NCOA2: variants seen among roughly 807,000 people sequenced by gnomAD.
NCOA2 encodes class E basic helix-loop-helix protein 75.
Under a neutral mutation model 145.1 loss-of-function variants are expected in NCOA2, and 21 were observed. The ratio of observed to expected loss-of-function variants is 0.14; its 90% CI spans 0.10 to 0.21. The LOEUF is 0.21. NCOA2 is among the 10% of genes least tolerant of loss of function. The probability of loss-of-function intolerance (pLI) is 1.00; values close to 1 mark genes in which losing one functional copy is unlikely to be tolerated. For missense variants in NCOA2, 1,472 were observed against 1,837.6 expected (o/e 0.80, Z 3.64); for synonymous variants, 619 against 637.5 (o/e 0.97, Z 0.44).
chr8:70,262,638 A>C (rs1824230354), intron 2 of NCOA2, among the ~76,000 whole-genome samples: 1 of 152,228 alleles, frequency 6.6e-6, no homozygotes, highest in Non-Finnish European at 1.5e-5. Flanking sequence ...CATTTAATAG[A>C]GGAAGGACAA....
chr8:70,295,192 T>C (rs16936890), intron 2 of NCOA2, among the ~76,000 whole-genome samples: 8,351 of 152,264 alleles, frequency 0.055, 303 homozygotes, highest in East Asian at 0.16. Flanking sequence ...TACCGCTACC[T>C]TTGATAATGA....
At chr8:70,329,451 G>C (rs1806885940) in intron 1 of NCOA2, among the ~76,000 whole-genome samples, 1 of 151,856 alleles carries the variant, frequency 6.6e-6, no homozygotes, top group Non-Finnish European at 1.5e-5. Context: ...GAGTCTCCCA[G>C]GCTGGTCTTG....
At chr8:70,135,252 G>A (rs1289093106) in intron 15 of NCOA2, among the ~76,000 whole-genome samples, 1 of 152,114 alleles carries the variant, frequency 6.6e-6, no homozygotes, top group East Asian at 1.9e-4. Flanking sequence ...TCTCCTCATA[G>A]ACTGCCCCGC....
chr8:70,214,546 A>C (rs1279097016), intron 3 of NCOA2, among the ~76,000 whole-genome samples: 1 of 152,254 alleles, frequency 6.6e-6, no homozygotes, highest in African/African-American at 2.4e-5. Context: ...CCAGATATTT[A>C]TAATTTTATA....
intron 1 of NCOA2, among the ~76,000 whole-genome samples, chr8:70,332,267 A>G (rs541742543): frequency 6.6e-6 from 1 of 152,182 alleles, no homozygotes; most frequent in Admixed American, 6.5e-5. Context: ...TTTGTGTTTG[A>G]GCAGAGAATA....
intron 1 of NCOA2, among the ~76,000 whole-genome samples, chr8:70,357,693 ATCG>A (rs1563800921): frequency 6.6e-6 from 1 of 151,426 alleles, no homozygotes; most frequent in Non-Finnish European, 1.5e-5. Context: ...GTGAACCTAG[ATCG>A]TGCGCCACTG....
intron 1 of NCOA2, among the ~76,000 whole-genome samples, chr8:70,378,570 A>T (rs1464665494): frequency 6.6e-6 from 1 of 152,158 alleles, no homozygotes; most frequent in East Asian, 1.9e-4. Flanking sequence ...AGCAACTCCA[A>T]ATATAGTTTC....
intron 4 of NCOA2, among the ~76,000 whole-genome samples, chr8:70,188,602 G>C (rs1816333433): frequency 6.6e-6 from 1 of 152,106 alleles, no homozygotes; most frequent in Admixed American, 6.6e-5. Flanking sequence ...TAATAGACCT[G>C]TTCACAAATT....
At chr8:70,304,856 CTTTT>C (rs34611471) in intron 1 of NCOA2, among the ~76,000 whole-genome samples, 14 of 125,716 alleles carry the variant, frequency 1.1e-4, no homozygotes, top group Admixed American at 1.6e-4. Context: ...AAGTAACTAG[CTTTT>C]TTTTTTTTTT....
At chr8:70,155,892 G>T in intron 11 of NCOA2, 79 bp downstream of exon 11, 1 of 1,135,220 alleles carries the variant, frequency 8.8e-7, no homozygotes, top group Non-Finnish European at 1.2e-6. Context: ...AATCACCTGA[G>T]ACTTCAAAAT....
intron 1 of NCOA2, among the ~76,000 whole-genome samples, chr8:70,298,873 A>C (rs1345240502): frequency 1.3e-5 from 2 of 152,140 alleles, no homozygotes; most frequent in Non-Finnish European, 2.9e-5. Flanking sequence ...CATCCCGGCT[A>C]ACACGGTGAA....
intron 1 of NCOA2, among the ~76,000 whole-genome samples, chr8:70,359,004 T>C (rs1248142084): frequency 6.6e-6 from 1 of 152,150 alleles, no homozygotes; most frequent in Non-Finnish European, 1.5e-5. Flanking sequence ...TAGGGAAATT[T>C]AAATAAAAAC....
Position 70,166,771 on chromosome 8 carries a change from T to G in NCOA2, c.542-17A>C. On this transcript the variant is annotated splice_polypyrimidine_tract_variant and intron_variant, in intron 6 of 22. Coordinates refer to ENST00000452400, the MANE Select transcript of NCOA2 (RefSeq NM_006540.4). ...CCCCATTTACTGAGCAAGGCAAAAG[T>G]AATCCAGTTTTACAAAGAAACAAAC... 1 of 1,600,692 alleles carries G rather than the reference T, an allele frequency of 6.2e-7. No homozygotes were observed. The highest frequency in any genetic ancestry group is 1.3e-5 in the African/African-American group (1 of 74,318).
rs200515104 is a variant in NCOA2, at chr8:70,157,018, A to T, written c.1347T>A (p.His449Gln). The T allele has an allele frequency of 1.9e-4, 301 of 1,613,872 alleles. No homozygotes were observed. The highest frequency in any genetic ancestry group is 2.3e-4 in the Non-Finnish European group (272 of 1,179,890). ...GAGTGGTTGCTTGCATGCCTGACAC[A>T]TGGTTCATTCCCCCAGAACCACCAA... is the stretch of plus-strand genomic sequence containing the variant. ...GRFGGSGGMN[H>Q]VSGMQATTPQ... The change falls in exon 11 of 23, where the codon CAT becomes CAA. Residue 449 changes from histidine (H) to glutamine (Q), a missense_variant. Coordinates refer to ENST00000452400, the MANE Select transcript of NCOA2 (RefSeq NM_006540.4).
chr8:70,175,153 A>G (rs979593100), intron 4 of NCOA2, among the ~76,000 whole-genome samples: 1 of 152,234 alleles, frequency 6.6e-6, no homozygotes, highest in African/African-American at 2.4e-5. Context: ...CTAGATTATG[A>G]AACTGCTATA....
the NCOA2 span, among the ~76,000 whole-genome samples, chr8:70,455,745 C>G: frequency 6.6e-6 from 1 of 151,000 alleles, no homozygotes; most frequent in African/African-American, 2.4e-5. Flanking sequence ...GATAACTTTA[C>G]CATTTGTTCT....
At position 70,128,502 on chromosome 8, in the gene NCOA2, C is replaced by T; in HGVS notation, c.3612G>A (p.Gln1204=). Residue 1204 remains glutamine (Q), a synonymous_variant, in exon 18 of 23, where the codon CAG becomes CAA. Transcript: ENST00000452400. ...CATTGCTGATTTGATTCATAAGTGG[C>T]TGGCGATTCTAAATACATACAAACA... is the stretch of plus-strand genomic sequence containing the variant. ...QHRLQAQQNR[Q]PLMNQISNVS... 6.2e-7 allele frequency: 1 copy of T among 1,612,382 alleles called. No individual in the cohort carries two copies. The highest frequency in any genetic ancestry group is 1.7e-4 in the Middle Eastern group (1 of 6,060).
chr8:70,163,941 T>G (rs552056199), intron 7 of NCOA2, among the ~76,000 whole-genome samples: 1 of 152,214 alleles, frequency 6.6e-6, no homozygotes, highest in Non-Finnish European at 1.5e-5. Flanking sequence ...TAATTTGTAA[T>G]GAAGTACAAA....
At chr8:70,442,583 A>G in the NCOA2 span, among the ~76,000 whole-genome samples, 4 of 152,248 alleles carry the variant, frequency 2.6e-5, no homozygotes, top group African/African-American at 9.6e-5. Flanking sequence ...GCTAACTTAA[A>G]TAGCACACGC....
Sources: allele counts gnomAD v4.1 joint callset (sites outside exome capture counted in the v4.1 genomes callset), GRCh38; gene constraint gnomAD v4.1.1; transcripts MANE v1.5; gene names NCBI Gene and HGNC (gene_info 2026-07-23, HGNC 2026-07-21).